PDGFD: variants seen among roughly 807,000 people sequenced by gnomAD.
PDGFD encodes platelet derived growth factor D, also known as platelet-derived growth factor D.
In PDGFD, 30 loss-of-function variants were observed where a neutral mutation model predicts 44.7. That is an observed-to-expected ratio of 0.67 (90% CI 0.50 to 0.91). PDGFD has a LOEUF of 0.91. Ranked by LOEUF, PDGFD falls within the 40% of genes least tolerant of loss-of-function variation. The pLI is 0.00. For missense variants in PDGFD, 445 were observed against 457.8 expected (o/e 0.97, Z 0.25); for synonymous variants, 173 against 168.4 (o/e 1.03, Z -0.21).
chr11:104,030,935 T>C (rs1860114451), intron 1 of PDGFD, among the ~76,000 whole-genome samples: 1 of 152,198 alleles, frequency 6.6e-6, no homozygotes, highest in Non-Finnish European at 1.5e-5. Flanking sequence ...CAACATTTTA[T>C]TTACACATTT....
intron 6 of PDGFD, among the ~76,000 whole-genome samples, chr11:103,920,914 T>C (rs1448896187): frequency 6.6e-6 from 1 of 152,186 alleles, no homozygotes; most frequent in Non-Finnish European, 1.5e-5. Context: ...CATTAAGATT[T>C]TGGGGGCAGG....
chr11:103,999,536 T>C (rs1859587063), intron 2 of PDGFD, among the ~76,000 whole-genome samples: 1 of 152,100 alleles, frequency 6.6e-6, no homozygotes, highest in Admixed American at 6.6e-5. Context: ...TTCTCTTCCT[T>C]CCCACCCGTA....
intron 1 of PDGFD, among the ~76,000 whole-genome samples, chr11:104,050,160 G>A (rs1860509258): frequency 1.3e-5 from 2 of 152,146 alleles, no homozygotes; most frequent in Non-Finnish European, 2.9e-5. Context: ...CACAGTTCTT[G>A]TCTATGAGGG....
intron 1 of PDGFD, among the ~76,000 whole-genome samples, chr11:104,033,762 TG>T (rs1267364603): frequency 6.6e-6 from 1 of 152,220 alleles, no homozygotes; most frequent in African/African-American, 2.4e-5. Context: ...AAAGTCTTAC[TG>T]GTTTCTCAAT....
chr11:104,019,237 G>C (rs1302350323), intron 1 of PDGFD, among the ~76,000 whole-genome samples: 1 of 152,168 alleles, frequency 6.6e-6, no homozygotes, highest in Non-Finnish European at 1.5e-5. Context: ...CCAGCACCTA[G>C]CACAGAGTTG....
At chr11:104,048,752 G>C (rs900625541) in intron 1 of PDGFD, among the ~76,000 whole-genome samples, 1 of 152,146 alleles carries the variant, frequency 6.6e-6, no homozygotes, top group Non-Finnish European at 1.5e-5. Context: ...AATAGACACT[G>C]AGAGTTATAC....
chr11:104,163,260 C>T lies in PDGFD; in HGVS notation c.124+544G>A, dbSNP rs114752932. On this transcript the variant is annotated intron_variant, in intron 1 of 6. Coordinates refer to ENST00000393158, the MANE Select transcript of PDGFD (RefSeq NM_025208.5). ...CTTAGGGGACCTAAAGGGCAATAGG[C>T]TGCACACTGCCATTTCCCGAAAATA... Among the ~76,000 whole-genome samples the T allele has an allele frequency of 6.6e-3, 1,010 of 152,268 alleles. 8 individuals are homozygous for T. Among genetic ancestry groups the T allele is most frequent in the African/African-American group, 0.023 (959 of 41,552 alleles).
At chr11:104,049,331 A>G (rs1860489507) in intron 1 of PDGFD, among the ~76,000 whole-genome samples, 1 of 152,154 alleles carries the variant, frequency 6.6e-6, no homozygotes, top group Non-Finnish European at 1.5e-5. Flanking sequence ...TTTCAGGAAG[A>G]AAGAGCAAAG....
At chr11:103,970,393 T>A (rs148544586) in intron 3 of PDGFD, among the ~76,000 whole-genome samples, 16 of 152,220 alleles carry the variant, frequency 1.1e-4, no homozygotes, top group African/African-American at 3.8e-4. Flanking sequence ...CTATGAAATA[T>A]AGCAAGTGAT....
At chr11:103,978,938 T>C (rs1307535249) in intron 3 of PDGFD, among the ~76,000 whole-genome samples, 3 of 151,992 alleles carry the variant, frequency 2.0e-5, no homozygotes, top group Non-Finnish European at 4.4e-5. Context: ...CTCTGCTTCA[T>C]ACATTAAGGA....
intron 3 of PDGFD, among the ~76,000 whole-genome samples, chr11:103,970,499 A>T (rs1859087656): frequency 6.6e-6 from 1 of 152,154 alleles, no homozygotes; most frequent in Non-Finnish European, 1.5e-5. Context: ...TGCATTGATA[A>T]GACAGAAATC....
At position 104,164,020 on chromosome 11, in the gene PDGFD, T is replaced by A. The variant is rs1222712026; in HGVS notation, c.-93A>T. On this transcript the variant is annotated 5_prime_UTR_variant, in exon 1 of 7. Coordinates refer to ENST00000393158, the MANE Select transcript of PDGFD (RefSeq NM_025208.5). ...CGCGCCGCCCTGCGCTCTCGCCGCC[T>A]GCGCTCGCCCTGCGCTGGCCCGGGT... 2 of 1,362,454 alleles carry A rather than the reference T, an allele frequency of 1.5e-6. No individual in the cohort carries two copies. Among genetic ancestry groups the A allele is most frequent in the Non-Finnish European group, 2.0e-6 (2 of 1,023,410 alleles). The allele number at this position is 1,362,454 out of a possible 1,614,324, so 84.4% of individuals were successfully genotyped here.
chr11:103,956,565 G>A (rs1013031645), intron 3 of PDGFD, among the ~76,000 whole-genome samples: 3 of 150,970 alleles, frequency 2.0e-5, no homozygotes, highest in Admixed American at 2.0e-4. Flanking sequence ...ATAGTCCTTT[G>A]GGTATATATC....
At chr11:103,920,588 A>C (rs1414852099) in intron 6 of PDGFD, among the ~76,000 whole-genome samples, 3 of 152,212 alleles carry the variant, frequency 2.0e-5, no homozygotes, top group African/African-American at 7.2e-5. Context: ...AGTTTGTAAT[A>C]CTTAAACAAG....
rs12290656 is a variant in PDGFD, at chr11:103,909,141, T to C, written c.*553A>G. ...ATTGGCCTTTTCTCTGGAAACCATA[T>C]TTTTCCTTTTTTAATAATCAACTAA... On this transcript the variant is annotated 3_prime_UTR_variant, in exon 7 of 7. Transcript: ENST00000393158. 7,373 of 152,502 alleles carry C rather than the reference T, an allele frequency of 0.048. 284 individuals carry two copies. The highest frequency in any genetic ancestry group is 0.1 in the African/African-American group (4,334 of 41,542). The allele number at this position is 152,502 out of a possible 1,614,324, so 9.4% of individuals were successfully genotyped here.
intron 2 of PDGFD, among the ~76,000 whole-genome samples, chr11:103,996,726 T>C (rs917890391): frequency 6.6e-6 from 1 of 152,222 alleles, no homozygotes; most frequent in African/African-American, 2.4e-5. Context: ...GTAATGCCAT[T>C]ACAGAAAATA....
At chr11:103,950,092 T>G (rs77605808) in intron 3 of PDGFD, among the ~76,000 whole-genome samples, 1 of 152,168 alleles carries the variant, frequency 6.6e-6, no homozygotes, top group African/African-American at 2.4e-5. Flanking sequence ...ATGGACCACA[T>G]GTGACCTTGA....
intron 1 of PDGFD, among the ~76,000 whole-genome samples, chr11:104,008,565 A>C (rs1348120060): frequency 6.6e-6 from 1 of 152,184 alleles, no homozygotes; most frequent in Non-Finnish European, 1.5e-5. Context: ...CGAAGGAATT[A>C]AAATAAATGT....
At chr11:103,981,426 G>A (rs1859271241) in intron 3 of PDGFD, among the ~76,000 whole-genome samples, 1 of 151,652 alleles carries the variant, frequency 6.6e-6, no homozygotes, top group Non-Finnish European at 1.5e-5. Context: ...AAGGGACTAA[G>A]ACACCCTCCG....
Sources: allele counts gnomAD v4.1 joint callset (sites outside exome capture counted in the v4.1 genomes callset), GRCh38; gene constraint gnomAD v4.1.1; transcripts MANE v1.5; gene names NCBI Gene and HGNC (gene_info 2026-07-23, HGNC 2026-07-21).